Variants in WDR25 observed in about 807,000 individuals in gnomAD.
WDR25 encodes WD repeat domain 25.
A neutral mutation model predicts 47.7 loss-of-function variants in WDR25; 35 were observed. The ratio of observed to expected loss-of-function variants is 0.73; its 90% CI spans 0.56 to 0.97. The LOEUF (loss-of-function observed/expected upper bound fraction) is 0.97, where lower values mean the gene tolerates loss of function less well. WDR25 is among the 50% of genes least tolerant of loss of function. The pLI is 0.00. For missense variants in WDR25, 634 were observed against 704.7 expected, an observed-to-expected ratio of 0.90 and a Z score of 1.14; for synonymous variants, 248 against 278.9, an observed-to-expected ratio of 0.89 and a Z score of 1.10.
Position 100,530,185 on chromosome 14 carries a change from T to TG in WDR25, c.*148dup. ...AGCCTCAGTTTCCTCATCTGTAAAG[T>TG]GGGGAGAAAAGTCTGTTTGCCTCAG... On this transcript the variant is annotated 3_prime_UTR_variant, in exon 7 of 7. Coordinates refer to ENST00000402312, the MANE Select transcript of WDR25 (RefSeq NM_001161476.3). 2 of 859,282 alleles carry TG rather than the reference T, an allele frequency of 2.3e-6. No individual in the cohort carries two copies. The highest frequency in any genetic ancestry group is 2.3e-4 in the Middle Eastern group (1 of 4,378). 53.2% of individuals were successfully genotyped at this position (859,282 alleles called of 1,614,324 possible). A position where few individuals can be genotyped will look rare whatever the true frequency, so the allele number is the denominator to read the frequency against.
chr14:100,446,785 C>T (rs565555893), intron 2 of WDR25, among the ~76,000 whole-genome samples: 10 of 152,206 alleles, frequency 6.6e-5, no homozygotes, highest in South Asian at 2.1e-4. Flanking sequence ...GGGCAGGTGT[C>T]GCTGGTCACT....
chr14:100,518,555 T>C (rs1901586455), intron 4 of WDR25, among the ~76,000 whole-genome samples: 1 of 152,180 alleles, frequency 6.6e-6, no homozygotes, highest in Non-Finnish European at 1.5e-5. Context: ...TCCTTAAATA[T>C]TCTTTCTTTT....
intron 2 of WDR25, among the ~76,000 whole-genome samples, chr14:100,446,719 A>C (rs1898846460): frequency 6.6e-6 from 1 of 152,194 alleles, no homozygotes; most frequent in South Asian, 2.1e-4. Flanking sequence ...CTTGTGAGTA[A>C]GAATGAGGAG....
rs1899602767 is a variant in WDR25 at position 100,465,585 on chromosome 14, A to G, written c.823-2436A>G. ...TACTATTCCACTGTATGGATAGAAC[A>G]CATTTTTACAATTCATTCATCCATC... On this transcript the variant is annotated intron_variant, in intron 2 of 6. Coordinates refer to ENST00000402312, the MANE Select transcript of WDR25 (RefSeq NM_001161476.3). 2.0e-5 allele frequency among the ~76,000 whole-genome samples: 3 copies of G among 152,246 alleles called. No individual in the cohort carries two copies. In the South Asian group the frequency reaches 6.2e-4, roughly 32 times the overall value.
chr14:100,451,833 G>T (rs1252702834), intron 2 of WDR25, among the ~76,000 whole-genome samples: 1 of 152,156 alleles, frequency 6.6e-6, no homozygotes, highest in Non-Finnish European at 1.5e-5. Flanking sequence ...GAATAGAGGA[G>T]GTCTCTCATG....
intron 2 of WDR25, among the ~76,000 whole-genome samples, chr14:100,405,951 C>G (rs1177942194): frequency 6.6e-6 from 1 of 152,190 alleles, no homozygotes; most frequent in Non-Finnish European, 1.5e-5. Flanking sequence ...AATGATGATG[C>G]AATCAATCCG....
rs1224310462 is a variant in WDR25 at position 100,468,887 on chromosome 14, T to TTCCCC, written c.970+731_970+735dup. Among the ~76,000 whole-genome samples the TTCCCC allele has an allele frequency of 6.6e-6, 1 of 152,032 alleles. No homozygotes were observed. Among genetic ancestry groups the TTCCCC allele is most frequent in the East Asian group, 1.9e-4 (1 of 5,180 alleles). On this transcript the variant is annotated intron_variant, in intron 3 of 6. Transcript: ENST00000402312. The surrounding 1 kb of genome is among the most constrained non-coding windows in gnomAD (Gnocchi z 4.5). The stretch of plus-strand genomic sequence containing the variant: ...CCGAGCTCCTTCCTCTCTTTCTCCT[T>TTCCCC]TCCCCTCCCCTCCCCTTTTCTTTCC...
chr14:100,483,443 C>G (rs1465961670), intron 3 of WDR25, among the ~76,000 whole-genome samples: 1 of 152,164 alleles, frequency 6.6e-6, no homozygotes, highest in East Asian at 1.9e-4. Flanking sequence ...ACCATGATGG[C>G]CACTCTCATT....
At chr14:100,401,623 A>G (rs1329582928) in intron 2 of WDR25, among the ~76,000 whole-genome samples, 5 of 152,154 alleles carry the variant, frequency 3.3e-5, no homozygotes, top group Non-Finnish European at 7.3e-5. Flanking sequence ...AGAATTACAG[A>G]GAGAATTTGT....
chr14:100,439,452 A>G (rs1898601413), intron 2 of WDR25, among the ~76,000 whole-genome samples: 1 of 152,250 alleles, frequency 6.6e-6, no homozygotes, highest in African/African-American at 2.4e-5. Context: ...CAGGTATTCA[A>G]GAGCCGTTAG....
chr14:100,438,502 T>C (rs1171879463), intron 2 of WDR25, among the ~76,000 whole-genome samples: 1 of 152,216 alleles, frequency 6.6e-6, no homozygotes, highest in Admixed American at 6.5e-5. Flanking sequence ...TAAGTCAAAT[T>C]GAATTGAATG....
intron 2 of WDR25, among the ~76,000 whole-genome samples, chr14:100,390,391 CTGTGTGTGTG>C (rs55802109): frequency 3.5e-4 from 51 of 146,710 alleles, no homozygotes; most frequent in African/African-American, 1.0e-3. Flanking sequence ...TGACCAAAAG[CTGTGTGTGTG>C]TGTGTGTGTG....
intron 2 of WDR25, chr14:100,454,462 T>C (rs1899137307): frequency 7.8e-7 from 1 of 1,286,094 alleles, no homozygotes; most frequent in African/African-American, 1.5e-5. Flanking sequence ...CTTCCAGTAA[T>C]GAAGCAGTAG....
chr14:100,408,625 C>T (rs1897615914), intron 2 of WDR25, among the ~76,000 whole-genome samples: 2 of 152,156 alleles, frequency 1.3e-5, no homozygotes, highest in South Asian at 4.1e-4. Flanking sequence ...CTCAGTGACG[C>T]AGCTGAGAGC....
chr14:100,458,865 T>C (rs930154400), intron 2 of WDR25, among the ~76,000 whole-genome samples: 11 of 152,260 alleles, frequency 7.2e-5, no homozygotes, highest in African/African-American at 2.2e-4. Flanking sequence ...GAAAACACAA[T>C]ATAAAAAATT....
intron 2 of WDR25, among the ~76,000 whole-genome samples, chr14:100,403,786 G>A (rs1200914262): frequency 1.3e-5 from 2 of 152,160 alleles, no homozygotes; most frequent in Non-Finnish European, 2.9e-5. Flanking sequence ...AGAATGACAG[G>A]CCCACTCTTC....
rs987646690 is a variant in WDR25 at position 100,498,306 on chromosome 14, G to A, written c.1101+14182G>A. Among the ~76,000 whole-genome samples the A allele has an allele frequency of 2.8e-4, 43 of 152,298 alleles. No homozygotes were observed. Among genetic ancestry groups the A allele is most frequent in the African/African-American group, 9.4e-4 (39 of 41,556 alleles). The stretch of plus-strand genomic sequence containing the variant: ...GTGCTGAGAGGAGACTGAGGGCCAC[G>A]TTCCGTAACAAGCGGGCCATTGCCA... On this transcript the variant is annotated intron_variant, in intron 4 of 6. Transcript: ENST00000402312. This position sits in a 1 kb window ranked among gnomAD's most constrained non-coding sequence, Gnocchi z 4.2.
intron 4 of WDR25, among the ~76,000 whole-genome samples, chr14:100,524,446 AG>A (rs2140389658): frequency 6.6e-6 from 1 of 152,322 alleles, no homozygotes; most frequent in East Asian, 1.9e-4. Flanking sequence ...GTGGGAGGAT[AG>A]AGCAGGCACA....
chr14:100,410,693 T>A (rs191294612), intron 2 of WDR25, among the ~76,000 whole-genome samples: 28 of 152,264 alleles, frequency 1.8e-4, no homozygotes, highest in African/African-American at 6.3e-4. Context: ...GATTATTCCT[T>A]ATAAAGAGAG....
Sources: gnomAD v4.1 joint callset for allele counts (sites outside exome capture counted in the v4.1 genomes callset) on GRCh38, gnomAD v4.1.1 for gene constraint, Gnocchi (gnomAD v3.1) non-coding constraint, MANE v1.5 for transcripts, NCBI Gene and HGNC (gene_info 2026-07-23, HGNC 2026-07-21) for gene names.